The following AMD1 variants were observed in gnomAD, a reference collection of about 807,000 sequenced individuals.
AMD1 encodes adenosylmethionine decarboxylase 1, also known as S-adenosylmethionine decarboxylase proenzyme.
AMD1 carries 11 observed loss-of-function variants against 40.2 expected under a neutral mutation model. The observed-to-expected ratio is 0.27, with a 90% CI of 0.17 to 0.45. The LOEUF (loss-of-function observed/expected upper bound fraction) is 0.45. AMD1 is among the 20% of genes least tolerant of loss of function. The pLI is 1.00. For missense variants in AMD1, 257 were observed against 410.2 expected (o/e 0.63, Z 3.23); for synonymous variants, 121 against 130.8 (o/e 0.93, Z 0.51).
rs1786141587 is a variant in AMD1, at chr6:110,893,390, A to C, written c.865-86A>C. 4.6e-6 allele frequency: 7 copies of C among 1,534,196 alleles called. No individual in the cohort carries two copies. The South Asian group carries it at 7.2e-5, about 16-fold the overall frequency. ...TAACTCAGATGTCTTAGTTTCATTA[A>C]GATAAAAGTCTGTCACTTAACTGTT... On this transcript the variant is annotated intron_variant, in intron 8 of 8. Coordinates refer to ENST00000368885, the MANE Select transcript of AMD1 (RefSeq NM_001634.6).
At chr6:110,889,048 C>G (rs56171216) in intron 3 of AMD1, 65 bp downstream of exon 3, 70,850 of 1,559,222 alleles carry the variant, frequency 0.045, 1,873 homozygotes, top group Middle Eastern at 0.078. Flanking sequence ...CTGTAATATG[C>G]GAAGTAAATA....
the AMD1 span, among the ~76,000 whole-genome samples, chr6:110,825,394 G>T: frequency 1.3e-5 from 2 of 152,156 alleles, no homozygotes; most frequent in African/African-American, 2.4e-5. Context: ...AAGATCAAAT[G>T]ATCCCACTGA....
At chr6:110,863,110 A>G in the AMD1 span, among the ~76,000 whole-genome samples, 2 of 151,270 alleles carry the variant, frequency 1.3e-5, no homozygotes, top group African/African-American at 2.4e-5. Context: ...ACGCCCGGCT[A>G]ATTTTTTTGT....
At chr6:110,882,790 A>G (rs544508348) in intron 1 of AMD1, among the ~76,000 whole-genome samples, 1 of 152,290 alleles carries the variant, frequency 6.6e-6, no homozygotes, top group Admixed American at 6.5e-5. Flanking sequence ...AAAGGTTTGA[A>G]TGGAGAATTT....
intron 1 of AMD1, among the ~76,000 whole-genome samples, chr6:110,879,943 A>G (rs981598997): frequency 1.3e-5 from 2 of 151,618 alleles, no homozygotes; most frequent in African/African-American, 2.4e-5. Context: ...CACTAATGGG[A>G]TCCTTCTGTA....
chr6:110,814,845 G>A, the AMD1 span: 25 of 886,696 alleles, frequency 2.8e-5, no homozygotes, highest in Non-Finnish European at 3.7e-5. Context: ...GGGGGAGGCG[G>A]GCGGAACGGG....
the AMD1 span, chr6:110,848,526 A>C: frequency 3.4e-6 from 1 of 292,794 alleles, no homozygotes; most frequent in Admixed American, 4.6e-5. Flanking sequence ...GTTAGCAAAA[A>C]ACAACAACAA....
chr6:110,822,505 C>A, the AMD1 span, among the ~76,000 whole-genome samples: 1 of 152,020 alleles, frequency 6.6e-6, no homozygotes, highest in Non-Finnish European at 1.5e-5. Flanking sequence ...TCCTACTGAA[C>A]CAATTCCAAA....
At chr6:110,839,883 C>T in the AMD1 span, among the ~76,000 whole-genome samples, 1 of 152,082 alleles carries the variant, frequency 6.6e-6, no homozygotes, top group Non-Finnish European at 1.5e-5. Flanking sequence ...ACTTAGCCAA[C>T]ATGGCTGGGA....
the AMD1 span, among the ~76,000 whole-genome samples, chr6:110,826,688 C>CTTTTTTTTT: frequency 2.3e-5 from 3 of 131,404 alleles, no homozygotes; most frequent in Admixed American, 7.7e-5. Flanking sequence ...TCTTTTCTTT[C>CTTTTTTTTT]TTTTTTTTTT....
At chr6:110,815,003 T>G in the AMD1 span, 4 of 1,603,512 alleles carry the variant, frequency 2.5e-6, no homozygotes, top group Non-Finnish European at 3.4e-6. Flanking sequence ...CCGCCCCTGC[T>G]CTTACCCATC....
chr6:110,885,935 C>T (rs777227357), intron 1 of AMD1, among the ~76,000 whole-genome samples: 11 of 152,118 alleles, frequency 7.2e-5, no homozygotes, highest in Non-Finnish European at 1.0e-4. Flanking sequence ...TGTTGGATTT[C>T]GCTCAAAAGG....
At position 110,875,022 on chromosome 6, in the gene AMD1, C is replaced by G; in HGVS notation, c.-84C>G. 1 of 1,073,188 alleles carries G rather than the reference C, an allele frequency of 9.3e-7. No homozygotes were observed. The highest frequency in any genetic ancestry group is 1.4e-6 in the Non-Finnish European group (1 of 717,112). 66.5% of individuals were successfully genotyped at this position (1,073,188 alleles called of 1,614,324 possible). A position where few individuals can be genotyped will look rare whatever the true frequency, so the allele number is the denominator to read the frequency against. ...CTTTAGTAACACAGCTGGAACAATC[C>G]GCAGCGGCGGCGGCAGCGGCGGGAG... is the stretch of plus-strand genomic sequence containing the variant. On this transcript the variant is annotated 5_prime_UTR_variant, in exon 1 of 9. Coordinates refer to ENST00000368885, the MANE Select transcript of AMD1 (RefSeq NM_001634.6).
chr6:110,830,583 T>C, the AMD1 span, among the ~76,000 whole-genome samples: 1 of 152,206 alleles, frequency 6.6e-6, no homozygotes, highest in African/African-American at 2.4e-5. Context: ...AAACTGGGTA[T>C]AAATATGACT....
chr6:110,843,007 C>T, the AMD1 span, among the ~76,000 whole-genome samples: 1 of 151,982 alleles, frequency 6.6e-6, no homozygotes, highest in African/African-American at 2.4e-5. Flanking sequence ...GTGGTGGGCA[C>T]CTGTAGTCCC....
At chr6:110,871,109 G>A (rs1395552445), upstream of AMD1, among the ~76,000 whole-genome samples, 2 of 152,224 alleles carry the variant, frequency 1.3e-5, no homozygotes, top group Non-Finnish European at 1.5e-5. Flanking sequence ...TGGTAGAGAT[G>A]AGGTTGGAGG....
At chr6:110,877,672 G>T (rs1430415924) in intron 1 of AMD1, among the ~76,000 whole-genome samples, 3 of 152,212 alleles carry the variant, frequency 2.0e-5, no homozygotes, top group African/African-American at 7.2e-5. Context: ...AAGTTGTGAA[G>T]AATAAATAAG....
At chr6:110,837,020 G>A in the AMD1 span, among the ~76,000 whole-genome samples, 1 of 151,784 alleles carries the variant, frequency 6.6e-6, no homozygotes, top group East Asian at 1.9e-4. Flanking sequence ...AGCCAGGTGT[G>A]GTGGCAAGTG....
chr6:110,838,084 C>T, the AMD1 span, among the ~76,000 whole-genome samples: 2 of 143,202 alleles, frequency 1.4e-5, no homozygotes, highest in Admixed American at 1.4e-4. Flanking sequence ...AAAAAAAAAT[C>T]CTCTGATACA....
Sources: gnomAD v4.1 joint callset for allele counts (sites outside exome capture counted in the v4.1 genomes callset) on GRCh38, gnomAD v4.1.1 for gene constraint, MANE v1.5 for transcripts, NCBI Gene and HGNC (gene_info 2026-07-23, HGNC 2026-07-21) for gene names.